Variants in TBC1D30 observed in about 807,000 individuals in gnomAD.
TBC1D30 encodes TBC1 domain family member 30.
In TBC1D30, 31 loss-of-function variants were observed where a neutral mutation model predicts 63.2. That is an observed-to-expected ratio of 0.49 (90% CI 0.37 to 0.66). The LOEUF (loss-of-function observed/expected upper bound fraction) is 0.66. Among genes scored for constraint, TBC1D30 ranks in the 30% least tolerant of loss-of-function variants. The pLI, the probability that TBC1D30 is intolerant of heterozygous loss-of-function variation, is 0.00. For synonymous variants in TBC1D30, 307 were observed against 361.5 expected (o/e 0.85, Z 1.71); for missense variants, 810 against 953.6 (o/e 0.85, Z 1.98).
At chr12:64,838,075 T>C (rs1875526575) in intron 6 of TBC1D30, among the ~76,000 whole-genome samples, 1 of 151,876 alleles carries the variant, frequency 6.6e-6, no homozygotes, top group Non-Finnish European at 1.5e-5. Flanking sequence ...TAAGAGGGAG[T>C]ACTATGTTTT....
chr12:64,825,388 G>A (rs1874234670), intron 1 of TBC1D30: 2 of 244,252 alleles, frequency 8.2e-6, no homozygotes, highest in South Asian at 1.0e-4. Flanking sequence ...TTCCAGGCTC[G>A]CAGGAAGCCA....
chr12:64,823,146 C>A (rs924501025), upstream of TBC1D30, among the ~76,000 whole-genome samples: 1 of 152,070 alleles, frequency 6.6e-6, no homozygotes, highest in Non-Finnish European at 1.5e-5. Flanking sequence ...TTTTCTATTA[C>A]ACTGAAAACA....
At chr12:64,842,776 G>A (rs1393012815) in intron 7 of TBC1D30, among the ~76,000 whole-genome samples, 2 of 152,154 alleles carry the variant, frequency 1.3e-5, no homozygotes, top group East Asian at 1.9e-4. Flanking sequence ...GCTTTCTAAC[G>A]AGTGGTGGGA....
chr12:64,864,634 T>C (rs1447875757), intron 8 of TBC1D30, 34 bp from the exon 9 acceptor site: 1 of 1,415,424 alleles, frequency 7.1e-7, no homozygotes, highest in South Asian at 1.2e-5. Flanking sequence ...AAGGCTACTG[T>C]TTCAGACTTG....
Position 64,826,496 on chromosome 12 carries a change from C to A in TBC1D30, c.155-1339C>A, listed in dbSNP as rs117947360. On this transcript the variant is annotated intron_variant, in intron 1 of 11. Coordinates refer to ENST00000539867, the MANE Select transcript of TBC1D30 (RefSeq NM_015279.2). ...CAAGCAAACGTCATGATTATACGCT[C>A]CTCCATTCAGCACCTCGCGTCCGGA... Among the ~76,000 whole-genome samples the A allele has an allele frequency of 5.5e-4, 84 of 152,278 alleles. 2 individuals carry two copies. In the East Asian group the frequency reaches 0.013, roughly 23 times the overall value.
At chr12:64,804,075 C>G (rs1316629279) in intron 2 of TBC1D30, among the ~76,000 whole-genome samples, 2 of 152,104 alleles carry the variant, frequency 1.3e-5, no homozygotes, top group Admixed American at 1.3e-4. Flanking sequence ...CTATAAATTA[C>G]CTTGGGCAGT....
intron 1 of TBC1D30, among the ~76,000 whole-genome samples, chr12:64,775,370 T>C (rs761170350): frequency 6.6e-6 from 1 of 152,184 alleles, no homozygotes; most frequent in Non-Finnish European, 1.5e-5. Context: ...AGTGGTATGC[T>C]GTCTTCAAGA....
chr12:64,834,110 A>G (rs930044299), intron 5 of TBC1D30, among the ~76,000 whole-genome samples: 2 of 152,192 alleles, frequency 1.3e-5, no homozygotes, highest in African/African-American at 4.8e-5. Context: ...AATGGGCTCC[A>G]TGCAATGAGA....
intron 7 of TBC1D30, among the ~76,000 whole-genome samples, chr12:64,843,004 C>T (rs771986348): frequency 1.3e-5 from 2 of 152,184 alleles, no homozygotes; most frequent in African/African-American, 2.4e-5. Context: ...TGGCAAAAGG[C>T]AACTGCCCCC....
Position 64,807,918 on chromosome 12 carries a change from G to GTTTTTTTTTTTTTTTTTTTT in TBC1D30, c.644-19900_644-19899insTTTTTTTTTTTTTTTTTTTT, listed in dbSNP as rs774145443. ...GCCCATGCCACCCTGCCTAATTTAA[G>GTTTTTTTTTTTTTTTTTTTT]TTTTTTTTTTTTTTTTTGTAGAGCT... is the stretch of plus-strand genomic sequence containing the variant. On this transcript the variant is annotated intron_variant, in intron 2 of 12. Transcript: ENST00000542120. Among the ~76,000 whole-genome samples the GTTTTTTTTTTTTTTTTTTTT allele has an allele frequency of 3.7e-4, 35 of 93,496 alleles. 3 individuals are homozygous for GTTTTTTTTTTTTTTTTTTTT. Among genetic ancestry groups the GTTTTTTTTTTTTTTTTTTTT allele is most frequent in the African/African-American group, 1.2e-3 (22 of 18,120 alleles). The allele number at this position is 93,496 out of a possible 152,430, so 61.3% of individuals were successfully genotyped here.
At chr12:64,837,769 A>G (rs942920456) in intron 6 of TBC1D30, among the ~76,000 whole-genome samples, 1 of 151,206 alleles carries the variant, frequency 6.6e-6, no homozygotes, top group African/African-American at 2.4e-5. Context: ...AGATTTTATA[A>G]TGCTTCCGGA....
intron 1 of TBC1D30, among the ~76,000 whole-genome samples, chr12:64,761,023 T>TA (rs60179927): frequency 0.067 from 10,227 of 151,948 alleles, 1,195 homozygotes; most frequent in African/African-American, 0.24. Flanking sequence ...AAAGAAGCTT[T>TA]AAAAAAACTG....
intron 1 of TBC1D30, among the ~76,000 whole-genome samples, chr12:64,784,509 C>G (rs1392024859): frequency 1.3e-5 from 2 of 151,334 alleles, no homozygotes; most frequent in Non-Finnish European, 2.9e-5. Flanking sequence ...TAGATCCAAA[C>G]CCCACAGAGA....
intron 1 of TBC1D30, among the ~76,000 whole-genome samples, chr12:64,767,502 C>G (rs900174044): frequency 2.0e-5 from 3 of 152,136 alleles, no homozygotes; most frequent in Non-Finnish European, 4.4e-5. Context: ...AATGCATTCT[C>G]TTCTGTCCCT....
rs554211382 is a variant in TBC1D30, at chr12:64,840,151, C to T, written c.932+1300C>T. Reference sequence around the variant, plus strand: ...TGCTTTTCAGCTGGGTAAATAAATTCATCTGTATGGGATTTGGTGTGCTAT... The same window carrying T: ...TGCTTTTCAGCTGGGTAAATAAATTTATCTGTATGGGATTTGGTGTGCTAT... On this transcript the variant is annotated intron_variant, in intron 7 of 11. Transcript: ENST00000539867. Among the ~76,000 whole-genome samples, 7 of 152,010 alleles carry T rather than the reference C, an allele frequency of 4.6e-5. No individual in the cohort carries two copies. In the South Asian group the frequency reaches 1.5e-3, roughly 32 times the overall value.
At chr12:64,825,402 C>T (rs1037945744) in intron 1 of TBC1D30, 6 of 223,046 alleles carry the variant, frequency 2.7e-5, no homozygotes, top group African/African-American at 9.2e-5. Flanking sequence ...GAAGCCAGAC[C>T]TTGCGAGAGG....
Position 64,880,550 on chromosome 12 carries a change from G to A in TBC1D30, c.*4762G>A, listed in dbSNP as rs1276960189. 1 of 152,204 alleles carries A rather than the reference G, an allele frequency of 6.6e-6. No individual in the cohort carries two copies. The highest frequency in any genetic ancestry group is 1.5e-5 in the Non-Finnish European group (1 of 68,066). 9.4% of individuals were successfully genotyped at this position (152,204 alleles called of 1,614,324 possible). A position where few individuals can be genotyped will look rare whatever the true frequency, so the allele number is the denominator to read the frequency against. ...TTTTGGTCTCTTCCTCTTCTGATAA[G>A]GGCACTAACCTCATCATGAGGGTCC... On this transcript the variant is annotated 3_prime_UTR_variant, in exon 12 of 12. Coordinates refer to ENST00000539867, the MANE Select transcript of TBC1D30 (RefSeq NM_015279.2).
intron 1 of TBC1D30, among the ~76,000 whole-genome samples, chr12:64,764,146 C>T (rs1870621385): frequency 1.3e-5 from 2 of 152,136 alleles, no homozygotes; most frequent in South Asian, 2.1e-4. Flanking sequence ...CCAATAATTG[C>T]CAACTCATCA....
At chr12:64,767,885 T>C (rs534107327) in intron 1 of TBC1D30, among the ~76,000 whole-genome samples, 78 of 151,104 alleles carry the variant, frequency 5.2e-4, no homozygotes, top group African/African-American at 1.8e-3. Context: ...TGTCATGACA[T>C]TGCCTCCAAA....
Sources: gnomAD v4.1 joint callset for allele counts (sites outside exome capture counted in the v4.1 genomes callset) on GRCh38, gnomAD v4.1.1 for gene constraint, MANE v1.5 for transcripts, NCBI Gene and HGNC (gene_info 2026-07-23, HGNC 2026-07-21) for gene names.